The following PLAC9 variants were observed in gnomAD, a reference collection of about 807,000 sequenced individuals.
PLAC9 encodes placenta-specific protein 9.
In PLAC9, 12 loss-of-function variants were observed where a neutral mutation model predicts 11.5. The ratio of observed to expected loss-of-function variants is 1.05; its 90% CI spans 0.67 to 1.69. PLAC9 has a LOEUF of 1.69. PLAC9 is among the 40% of genes most tolerant of loss of function. PLAC9 has a pLI of 0.00. For missense variants in PLAC9, 132 were observed against 130.5 expected (o/e 1.01, Z -0.06); for synonymous variants, 62 against 58.1 (o/e 1.07, Z -0.31).
At chr10:80,141,324 C>T (rs3762098) in intron 1 of PLAC9, among the ~76,000 whole-genome samples, 20,794 of 151,958 alleles carry the variant, frequency 0.14, 1,864 homozygotes, top group East Asian at 0.32. Context: ...CTTGGCCTGG[C>T]TTGGTGGCTT....
At chr10:80,144,844 G>C (rs1179089611) in intron 3 of PLAC9, 56 bp from the exon 4 acceptor site, 5 of 1,527,548 alleles carry the variant, frequency 3.3e-6, no homozygotes, top group Non-Finnish European at 8.8e-7. Context: ...GCACCACGGG[G>C]GCAGGTACTC....
chr10:80,142,636 A>G (rs1845054020), intron 2 of PLAC9, among the ~76,000 whole-genome samples: 1 of 152,208 alleles, frequency 6.6e-6, no homozygotes, highest in African/African-American at 2.4e-5. Context: ...ATATCTCAAC[A>G]TATAATTTTT....
chr10:80,140,767 C>T lies in PLAC9; in HGVS notation c.65-1315C>T, dbSNP rs550624946. ...CAGGATGGTCTCAATCTCCTGACCTCGTGCGCCTACCTCGCCCTCCCAAAG... is the reference window on the plus strand; with the variant it reads ...CAGGATGGTCTCAATCTCCTGACCTTGTGCGCCTACCTCGCCCTCCCAAAG... On this transcript the variant is annotated intron_variant, in intron 1 of 3. Transcript: ENST00000372263. Among the ~76,000 whole-genome samples, 6 of 152,260 alleles carry T rather than the reference C, an allele frequency of 3.9e-5. No individual in the cohort carries two copies. The South Asian group carries it at 8.3e-4, about 21-fold the overall frequency.
intron 2 of PLAC9, among the ~76,000 whole-genome samples, chr10:80,143,490 C>T (rs1381805916): frequency 7.2e-6 from 1 of 139,044 alleles, no homozygotes; most frequent in Non-Finnish European, 1.5e-5. Context: ...CTCCACCTCC[C>T]GGTTCAAGTG....
chr10:80,136,548 T>G (rs1844977309), intron 1 of PLAC9, among the ~76,000 whole-genome samples: 1 of 152,202 alleles, frequency 6.6e-6, no homozygotes, highest in Non-Finnish European at 1.5e-5. Flanking sequence ...CGTAGCTGAC[T>G]GTAGTCTCAA....
chr10:80,134,661 A>G (rs966087397), intron 1 of PLAC9, among the ~76,000 whole-genome samples: 13 of 152,292 alleles, frequency 8.5e-5, no homozygotes, highest in African/African-American at 3.1e-4. Flanking sequence ...TCATACTCCA[A>G]AAACTGTGTG....
At position 80,142,167 on chromosome 10, in the gene PLAC9, T is replaced by A. The variant is rs143235812; in HGVS notation, c.150T>A (p.Asp50Glu). The A allele has an allele frequency of 4.0e-5, 65 of 1,606,050 alleles. No individual in the cohort carries two copies. In the African/African-American group the frequency reaches 6.7e-4, roughly 16 times the overall value. The change falls in exon 2 of 4, where the codon GAT (aspartate) becomes GAA (glutamate). Residue 50 changes from aspartate to glutamate, a missense_variant. Physicochemically the swap from Asp to Glu is conservative, Grantham distance 45 (BLOSUM62 2). Transcript: ENST00000372263. Reference protein sequence around the residue: ...DRHMAVQRRLDVMEEMVEKTV... With the variant: ...DRHMAVQRRLEVMEEMVEKTV... Reference sequence around the variant, plus strand: ...ACATGGCTGTGCAACGCCGTCTAGATGTCATGGAGGAGGTAACAGGGTGGT... The same window carrying A: ...ACATGGCTGTGCAACGCCGTCTAGAAGTCATGGAGGAGGTAACAGGGTGGT...
At chr10:80,137,124 C>G (rs1164104766) in intron 1 of PLAC9, among the ~76,000 whole-genome samples, 2 of 152,176 alleles carry the variant, frequency 1.3e-5, no homozygotes, top group African/African-American at 2.4e-5. Flanking sequence ...GTGGAGGCCC[C>G]GATGAGCTCA....
At chr10:80,135,907 C>T (rs1032730904) in intron 1 of PLAC9, among the ~76,000 whole-genome samples, 3 of 152,158 alleles carry the variant, frequency 2.0e-5, no homozygotes, top group African/African-American at 7.2e-5. Flanking sequence ...GCCAGGGTTG[C>T]TTTTCAAAGC....
chr10:80,132,602 G>T, upstream of PLAC9: 1 of 510,394 alleles, frequency 2.0e-6, no homozygotes, highest in Non-Finnish European at 3.3e-6. Context: ...ACGGGGTGCC[G>T]AGGGGCCTCT....
At chr10:80,136,213 C>T (rs1306462754) in intron 1 of PLAC9, among the ~76,000 whole-genome samples, 1 of 152,276 alleles carries the variant, frequency 6.6e-6, no homozygotes, top group South Asian at 2.1e-4. Flanking sequence ...CAGGATGCCC[C>T]ACCCATGGCC....
chr10:80,144,365 G>C (rs1343998381), intron 3 of PLAC9, 22 bp downstream of exon 3: 1 of 1,574,900 alleles, frequency 6.3e-7, no homozygotes, highest in South Asian at 1.1e-5. Context: ...AGGTGGCAGA[G>C]GACAGCCTCT....
intron 1 of PLAC9, among the ~76,000 whole-genome samples, chr10:80,140,534 G>A (rs1845027997): frequency 6.6e-6 from 1 of 152,186 alleles, no homozygotes; most frequent in South Asian, 2.1e-4. Flanking sequence ...GACTTCTGGG[G>A]CAGCACCCTC....
At chr10:80,139,154 G>A (rs577391248) in intron 1 of PLAC9, among the ~76,000 whole-genome samples, 267 of 151,948 alleles carry the variant, frequency 1.8e-3, no homozygotes, top group Non-Finnish European at 2.9e-3. Flanking sequence ...GGGTTTCACC[G>A]TGTTAGCCAG....
intron 2 of PLAC9, among the ~76,000 whole-genome samples, chr10:80,142,508 C>T (rs1375778112): frequency 6.6e-6 from 1 of 152,184 alleles, no homozygotes; most frequent in Non-Finnish European, 1.5e-5. Context: ...TGTCACAAGC[C>T]TTTAACTGAA....
chr10:80,134,523 C>G (rs1469010302), intron 1 of PLAC9, among the ~76,000 whole-genome samples: 6 of 152,116 alleles, frequency 3.9e-5, no homozygotes, highest in African/African-American at 1.4e-4. Context: ...CTTGGCCTCC[C>G]AAAGTGCTGG....
At chr10:80,131,669 G>A (rs1564586500), upstream of PLAC9, 1 of 152,180 alleles carries the variant, frequency 6.6e-6, no homozygotes. Context: ...TCAGATTCTC[G>A]GGCTCAGAAC....
chr10:80,138,847 A>G (rs972540443), intron 1 of PLAC9, among the ~76,000 whole-genome samples: 1 of 152,158 alleles, frequency 6.6e-6, no homozygotes, highest in Non-Finnish European at 1.5e-5. Flanking sequence ...ATCAAGTTCC[A>G]TAACTCCCCC....
chr10:80,139,967 C>T (rs949159368), intron 1 of PLAC9, among the ~76,000 whole-genome samples: 2 of 152,138 alleles, frequency 1.3e-5, no homozygotes, highest in Non-Finnish European at 2.9e-5. Flanking sequence ...AGCTCTCCTC[C>T]CTACGTGATC....
Sources: gnomAD v4.1 joint callset for allele counts (sites outside exome capture counted in the v4.1 genomes callset) on GRCh38, gnomAD v4.1.1 for gene constraint, MANE v1.5 for transcripts, NCBI Gene and HGNC (gene_info 2026-07-23, HGNC 2026-07-21) for gene names.